Variants in CTNNBL1 observed in about 807,000 individuals in gnomAD.
CTNNBL1 encodes catenin beta like 1.
CTNNBL1 carries 31 observed loss-of-function variants against 72.7 expected under a neutral mutation model. The ratio of observed to expected loss-of-function variants is 0.43; its 90% confidence interval spans 0.32 to 0.58. The LOEUF is 0.58. Among genes scored for constraint, CTNNBL1 ranks in the 20% least tolerant of loss-of-function variants. The probability of loss-of-function intolerance (pLI) is 0.08; values close to 1 mark genes in which losing one functional copy is unlikely to be tolerated. For missense variants in CTNNBL1, 534 were observed against 725.1 expected, an observed-to-expected ratio of 0.74 and a Z score of 3.03; for synonymous variants, 240 against 267.3, an observed-to-expected ratio of 0.90 and a Z score of 1.00.
chr20:37,855,586 C>T (rs1208265835), intron 13 of CTNNBL1, among the ~76,000 whole-genome samples: 1 of 152,118 alleles, frequency 6.6e-6, no homozygotes, highest in Non-Finnish European at 1.5e-5. Context: ...CCTCCAGGGG[C>T]CTCTTCTCTT....
intron 5 of CTNNBL1, among the ~76,000 whole-genome samples, chr20:37,764,300 T>G (rs1227098993): frequency 3.3e-5 from 5 of 152,228 alleles, no homozygotes; most frequent in African/African-American, 2.4e-5. Context: ...GGATCATCCC[T>G]TCCTGATGAT....
intron 12 of CTNNBL1, among the ~76,000 whole-genome samples, chr20:37,841,681 T>C (rs1384163538): frequency 2.0e-5 from 3 of 152,176 alleles, no homozygotes; most frequent in Non-Finnish European, 4.4e-5. Flanking sequence ...GTTTCTTCAG[T>C]CATTTTGGAG....
At chr20:37,762,052 G>C (rs1466136466) in intron 5 of CTNNBL1, among the ~76,000 whole-genome samples, 1 of 152,164 alleles carries the variant, frequency 6.6e-6, no homozygotes, top group Admixed American at 6.5e-5. Flanking sequence ...GAAGATATAA[G>C]CAGGGGAGTG....
At chr20:37,694,923 A>G (rs2072777953) in intron 1 of CTNNBL1, 1 of 152,234 alleles carries the variant, frequency 6.6e-6, no homozygotes, top group Admixed American at 6.5e-5. Flanking sequence ...CTTTGATTCC[A>G]TAGGAGGGTC....
chr20:37,862,889 C>G (rs1287163855), intron 15 of CTNNBL1, among the ~76,000 whole-genome samples: 1 of 152,194 alleles, frequency 6.6e-6, no homozygotes, highest in Non-Finnish European at 1.5e-5. Context: ...CATGATAGCA[C>G]CCTTTTTCTT....
At chr20:37,837,487 T>C (rs186225896) in intron 11 of CTNNBL1, among the ~76,000 whole-genome samples, 2 of 152,348 alleles carry the variant, frequency 1.3e-5, no homozygotes, top group African/African-American at 4.8e-5. Context: ...AAAAAATGGA[T>C]TCTACCAATT....
At chr20:37,802,586 T>C (rs1200476803) in intron 10 of CTNNBL1, among the ~76,000 whole-genome samples, 2 of 152,178 alleles carry the variant, frequency 1.3e-5, no homozygotes, top group African/African-American at 2.4e-5. Flanking sequence ...AATAATCTCT[T>C]ATAATTTTAG....
At chr20:37,760,426 G>A (rs906923612) in intron 5 of CTNNBL1, among the ~76,000 whole-genome samples, 4 of 152,108 alleles carry the variant, frequency 2.6e-5, no homozygotes, top group Non-Finnish European at 4.4e-5. Flanking sequence ...CTTCCCTTTT[G>A]AGTTTTTTCC....
intron 10 of CTNNBL1, among the ~76,000 whole-genome samples, chr20:37,786,098 C>T (rs981715661): frequency 1.0e-3 from 153 of 151,888 alleles, no homozygotes; most frequent in African/African-American, 3.6e-3. Flanking sequence ...GACTTTTCCC[C>T]AAACACGTGG....
intron 13 of CTNNBL1, among the ~76,000 whole-genome samples, chr20:37,845,598 A>G (rs1386178733): frequency 1.3e-5 from 2 of 152,188 alleles, no homozygotes; most frequent in Non-Finnish European, 2.9e-5. Flanking sequence ...GCTAGCACTC[A>G]GGCGCCATCC....
At chr20:37,737,249 T>C (rs2073178878) in intron 2 of CTNNBL1, 129 bp from the exon 3 acceptor site, 2 of 661,542 alleles carry the variant, frequency 3.0e-6, no homozygotes, top group Admixed American at 5.3e-5. Flanking sequence ...ACAAAAAAAG[T>C]GTACTGTACA....
At chr20:37,803,617 C>T (rs2073840532) in intron 11 of CTNNBL1, among the ~76,000 whole-genome samples, 1 of 152,188 alleles carries the variant, frequency 6.6e-6, no homozygotes, top group African/African-American at 2.4e-5. Flanking sequence ...TGCTGCAGCC[C>T]TCTCCCCAGT....
At chr20:37,755,976 C>T (rs2073359807) in intron 4 of CTNNBL1, among the ~76,000 whole-genome samples, 1 of 152,312 alleles carries the variant, frequency 6.6e-6, no homozygotes, top group South Asian at 2.1e-4. Flanking sequence ...TTTTCTCTCC[C>T]TTTTCCACTT....
intron 15 of CTNNBL1, among the ~76,000 whole-genome samples, chr20:37,871,181 C>T (rs1436837749): frequency 6.6e-6 from 1 of 152,156 alleles, no homozygotes; most frequent in Non-Finnish European, 1.5e-5. Flanking sequence ...AGGGTGGTCC[C>T]AAGAATTTGT....
chr20:37,826,853 T>G (rs2072164417), intron 11 of CTNNBL1, among the ~76,000 whole-genome samples: 1 of 152,248 alleles, frequency 6.6e-6, no homozygotes, highest in African/African-American at 2.4e-5. Context: ...ATTAACTGAG[T>G]GTCGTATGTA....
At chr20:37,725,332 G>A (rs1053237982) in intron 1 of CTNNBL1, among the ~76,000 whole-genome samples, 2 of 150,602 alleles carry the variant, frequency 1.3e-5, no homozygotes, top group African/African-American at 2.4e-5. Flanking sequence ...TTTCACTCTT[G>A]TTTTCCCAGG....
intron 11 of CTNNBL1, among the ~76,000 whole-genome samples, chr20:37,820,627 C>T (rs1319859792): frequency 7.2e-5 from 11 of 152,162 alleles, no homozygotes; most frequent in Admixed American, 2.6e-4. Flanking sequence ...GGAGTTCCCA[C>T]GAAATCCAAT....
chr20:37,758,342 C>A (rs1423582735), intron 5 of CTNNBL1, among the ~76,000 whole-genome samples: 1 of 152,200 alleles, frequency 6.6e-6, no homozygotes, highest in East Asian at 1.9e-4. Flanking sequence ...AGCTATTGAT[C>A]CACACAGCAG....
intron 11 of CTNNBL1, among the ~76,000 whole-genome samples, chr20:37,817,205 C>T (rs1001097038): frequency 6.6e-6 from 1 of 152,138 alleles, no homozygotes; most frequent in Non-Finnish European, 1.5e-5. Flanking sequence ...AAGGAGACGT[C>T]GGAGAACTAA....
Sources: allele counts gnomAD v4.1 joint callset (sites outside exome capture counted in the v4.1 genomes callset), GRCh38; gene constraint gnomAD v4.1.1; transcripts MANE v1.5; gene names NCBI Gene and HGNC (gene_info 2026-07-23, HGNC 2026-07-21).